The following VAX1 variants were observed in gnomAD, a reference collection of about 807,000 sequenced individuals.
VAX1 encodes the protein ventral anterior homeobox 1.
In VAX1, 6 loss-of-function variants were observed where a neutral mutation model predicts 17.6. The observed-to-expected ratio is 0.34, with a 90% CI of 0.19 to 0.67. VAX1 has a LOEUF of 0.67. VAX1 is among the 30% of genes least tolerant of loss of function. The pLI is 0.69. For missense variants in VAX1, 408 were observed against 463.7 expected (o/e 0.88, Z 1.10); for synonymous variants, 256 against 227.4 (o/e 1.13, Z -1.13).
Position 117,136,386 on chromosome 10 carries a change from C to A in VAX1, c.429+86G>T. 1 of 1,530,790 alleles carries A rather than the reference C, an allele frequency of 6.5e-7. No individual in the cohort carries two copies. The highest frequency in any genetic ancestry group is 8.9e-7 in the Non-Finnish European group (1 of 1,123,842). The allele number at this position is 1,530,790 out of a possible 1,614,324, so 94.8% of individuals were successfully genotyped here. ...CTCCCAAGGGTAGTTCTGTCCAGAG[C>A]AGGTTAGGAGGTGAAGAGCAGGCTA... On this transcript the variant is annotated intron_variant, in intron 2 of 2. Coordinates refer to ENST00000369206, the MANE Select transcript of VAX1 (RefSeq NM_001112704.2). The surrounding 1 kb of genome is among the most constrained non-coding windows in gnomAD (Gnocchi z 5.0).
In VAX1 at chr10:117,133,422, A is replaced by C. The variant is rs1390003985; in HGVS notation, c.*586T>G. ...TGGAGTTGCCCTAAAGGGGAGAAAAACCGCAGGATTTGCCCGCCAGGAAGC... is the reference window on the plus strand; with the variant it reads ...TGGAGTTGCCCTAAAGGGGAGAAAACCCGCAGGATTTGCCCGCCAGGAAGC... On this transcript the variant is annotated 3_prime_UTR_variant, in exon 3 of 3. Transcript: ENST00000369206. 8.1e-6 allele frequency: 8 copies of C among 985,162 alleles called. No individual in the cohort carries two copies. The highest frequency in any genetic ancestry group is 8.4e-6 in the Non-Finnish European group (7 of 829,992). The allele number at this position is 985,162 out of a possible 1,614,324, so 61.0% of individuals were successfully genotyped here. A position where few individuals can be genotyped will look rare whatever the true frequency, so the allele number is the denominator to read the frequency against.
In VAX1 at chr10:117,134,180, G is replaced by A. The variant is rs1203315887; in HGVS notation, c.833C>T (p.Pro278Leu). The change falls in exon 3 of 3, where the codon CCC (proline) becomes CTC (leucine). Residue 278 changes from proline to leucine, a missense_variant. Physicochemically the swap from Pro to Leu is moderately conservative, Grantham distance 98 (BLOSUM62 -3). This residue lies in a region of VAX1 where 196 missense variants were observed against 218.7 expected (regional missense o/e 0.90). Transcript: ENST00000369206. This position sits in a 1 kb window ranked among gnomAD's most constrained non-coding sequence, Gnocchi z 6.2. Reference protein sequence around the residue: ...AGHSLFSLPVPSLLGSVASRL... With the variant: ...AGHSLFSLPVLSLLGSVASRL... ...GCTGGCGACGGAGCCGAGCAGCGAG[G>A]GCACCGGCAGGCTGAAGAGGCTGTG... 3 of 1,519,292 alleles carry A rather than the reference G, an allele frequency of 2.0e-6. No individual in the cohort carries two copies. The highest frequency in any genetic ancestry group is 2.6e-6 in the Non-Finnish European group (3 of 1,134,002). 94.1% of individuals were successfully genotyped at this position (1,519,292 alleles called of 1,614,324 possible).
chr10:117,137,954 C>T lies in VAX1; in HGVS notation c.103G>A (p.Ala35Thr), dbSNP rs772737522. 38 of 1,613,806 alleles carry T rather than the reference C, an allele frequency of 2.4e-5. 1 individual carries two copies. The South Asian group carries it at 4.0e-4, about 17-fold the overall frequency. ...AAGGCGGCTGGGAGGTTCCCCTCCG[C>T]GCCCTTGCTCTCCCGACTCTCCTTG... The part of the protein sequence containing the change: ...AHKESRESKG[A>T]EGNLPAAFLK... Residue 35 changes from alanine (A) to threonine (T), a missense_variant, in exon 1 of 3, where the codon GCG (alanine) becomes ACG (threonine). This residue lies in a region of VAX1 where 133 missense variants were observed against 112.0 expected (regional missense o/e 1.19). Transcript: ENST00000369206. The surrounding 1 kb of genome is among the most constrained non-coding windows in gnomAD (Gnocchi z 7.4).
Position 117,136,468 on chromosome 10 carries a change from G to C in VAX1, c.429+4C>G, listed in dbSNP as rs1274174467. 1.9e-6 allele frequency: 3 copies of C among 1,612,742 alleles called. 1 individual carries two copies. The highest frequency in any genetic ancestry group is 2.2e-5 in the East Asian group (1 of 44,862). On this transcript the variant is annotated splice_donor_region_variant and intron_variant, in intron 2 of 2. Transcript: ENST00000369206. This position sits in a 1 kb window ranked among gnomAD's most constrained non-coding sequence, Gnocchi z 5.0. The stretch of plus-strand genomic sequence containing the variant: ...GAACTGTGTGCGGCCTGGTCGCCGG[G>C]TACCTGGGTCTCGGAGAGGTTAAGC...
At position 117,134,209 on chromosome 10, in the gene VAX1, C is replaced by T. The variant is rs886042715; in HGVS notation, c.804G>A (p.Ala268=). 1.4e-6 allele frequency: 2 copies of T among 1,472,640 alleles called. No individual in the cohort carries two copies. The highest frequency in any genetic ancestry group is 3.0e-5 in the African/African-American group (2 of 67,180). 91.2% of individuals were successfully genotyped at this position (1,472,640 alleles called of 1,614,324 possible). The change falls in exon 3 of 3, where the codon GCG becomes GCA. Residue 268 remains alanine (A), a synonymous_variant. Coordinates refer to ENST00000369206, the MANE Select transcript of VAX1 (RefSeq NM_001112704.2). This position sits in a 1 kb window ranked among gnomAD's most constrained non-coding sequence, Gnocchi z 6.2. ...CCGGCAGGCTGAAGAGGCTGTGGCC[C>T]GCGGCCGGGGCGCCTGCGTGCAATC... ...PGGLHAGAPA[A]GHSLFSLPVP...
chr10:117,128,833 T>C (rs1008568108), downstream of VAX1: 8 of 152,148 alleles, frequency 5.3e-5, no homozygotes, highest in Admixed American at 5.2e-4. Flanking sequence ...CCTGAAGGGC[T>C]CTCCTCCTCC....
chr10:117,136,778 G>A lies in VAX1; in HGVS notation c.242-119C>T. On this transcript the variant is annotated intron_variant, in intron 1 of 2. Coordinates refer to ENST00000369206, the MANE Select transcript of VAX1 (RefSeq NM_001112704.2). This position sits in a 1 kb window ranked among gnomAD's most constrained non-coding sequence, Gnocchi z 5.0. ...TGCAGTTTTGGGGATGGGGGGCGGG[G>A]TGCGGAGCGCGACCACAACCAGGTA... The A allele has an allele frequency of 7.9e-7, 1 of 1,270,246 alleles. No homozygotes were observed. The allele number at this position is 1,270,246 out of a possible 1,614,324, so 78.7% of individuals were successfully genotyped here.
At position 117,138,048 on chromosome 10, in the gene VAX1, C is replaced by G. The variant is rs1321046831; in HGVS notation, c.9G>C (p.Gly3=). Residue 3 remains glycine (G), a synonymous_variant, in exon 1 of 3, where the codon GGG becomes GGC. Coordinates refer to ENST00000369206, the MANE Select transcript of VAX1 (RefSeq NM_001112704.2). MF[G]KPDKMDVRCH... is the part of the protein sequence containing the mutation. ...ATCGAACGTCCATTTTGTCTGGTTT[C>G]CCGAACATAGGCAAGAACAACAACA... is the stretch of plus-strand genomic sequence containing the variant. The G allele has an allele frequency of 2.5e-6, 4 of 1,580,080 alleles. No individual in the cohort carries two copies. The highest frequency in any genetic ancestry group is 2.6e-6 in the Non-Finnish European group (3 of 1,165,830).
In VAX1 at chr10:117,137,870, T is replaced by C; in HGVS notation, c.187A>G (p.Ser63Gly). 6.2e-7 allele frequency: 1 copy of C among 1,613,746 alleles called. No homozygotes were observed. ...GGGTCCGCTGCGGAATTGGATTTAC[T>C]TTTGTTACAATCCTCAGCAGCGCCC... ...ASGAAEDCNK[S>G]KSNSAADPDY... Residue 63 changes from serine to glycine, a missense_variant, in exon 1 of 3, where the codon AGT becomes GGT. Ser to Gly is a moderately conservative substitution (Grantham distance 56, BLOSUM62 0). Transcript: ENST00000369206. This position sits in a 1 kb window ranked among gnomAD's most constrained non-coding sequence, Gnocchi z 7.4.
Position 117,134,250 on chromosome 10 carries a change from G to A in VAX1, c.763C>T (p.Pro255Ser), listed in dbSNP as rs1854134773. 3.6e-6 allele frequency: 5 copies of A among 1,380,674 alleles called. No homozygotes were observed. The highest frequency in any genetic ancestry group is 3.7e-6 in the Non-Finnish European group (4 of 1,077,790). 85.5% of individuals were successfully genotyped at this position (1,380,674 alleles called of 1,614,324 possible). ...PAVGGAPGPG[P>S]AGPGGLHAGA... ...GCGTGCAATCCCCCCGGCCCGGCGG[G>A]CCCGGGACCTGGAGCACCGCCCACA... Residue 255 changes from proline (P) to serine (S), a missense_variant, in exon 3 of 3, where the codon CCC becomes TCC. Pro to Ser is a moderately conservative substitution (Grantham distance 74, BLOSUM62 -1). Coordinates refer to ENST00000369206, the MANE Select transcript of VAX1 (RefSeq NM_001112704.2). The surrounding 1 kb of genome is among the most constrained non-coding windows in gnomAD (Gnocchi z 6.2).
Position 117,134,430 on chromosome 10 carries a change from C to T in VAX1, c.583G>A (p.Ala195Thr). 2.0e-6 allele frequency: 3 copies of T among 1,505,804 alleles called. 1 individual carries two copies. The Admixed American group carries it at 6.2e-5, about 31-fold the overall frequency. The allele number at this position is 1,505,804 out of a possible 1,614,324, so 93.3% of individuals were successfully genotyped here. Residue 195 changes from alanine (A) to threonine (T), a missense_variant, in exon 3 of 3, where the codon GCG becomes ACG. By Grantham distance (58) the Ala-to-Thr change is moderately conservative (BLOSUM62 0). Around this residue, in one of 4 missense-constraint regions of VAX1, gnomAD observed 196 missense variants for 218.7 expected, o/e 0.90. Transcript: ENST00000369206. The surrounding 1 kb of genome is among the most constrained non-coding windows in gnomAD (Gnocchi z 6.2). ...CCCGTGGCGCAAGGCGGCAGCAGCG[C>T]AGGCAGGCCGGGCGGCGACAACAGG... ...GRLLSPPGLPALLPPCATGAL... is the reference protein window; with the variant it reads ...GRLLSPPGLPTLLPPCATGAL...
At chr10:117,132,318 A>T (rs1274175576), downstream of VAX1, 1 of 1,613,672 alleles carries the variant, frequency 6.2e-7, no homozygotes. This position sits in a 1 kb window ranked among gnomAD's most constrained non-coding sequence, Gnocchi z 4.9. Context: ...AATATAAGAC[A>T]AAAATACACC....
rs1854225663 is a variant in VAX1, at chr10:117,138,177, G to C, written c.-121C>G. On this transcript the variant is annotated 5_prime_UTR_variant, in exon 1 of 3. Coordinates refer to ENST00000369206, the MANE Select transcript of VAX1 (RefSeq NM_001112704.2). The stretch of plus-strand genomic sequence containing the variant: ...GACAAAACCCCCGACAACGCGGCCC[G>C]TACGCCCGGCCCGGCGACAGGCAAG... 4 of 1,134,252 alleles carry C rather than the reference G, an allele frequency of 3.5e-6. No homozygotes were observed. Among genetic ancestry groups the C allele is most frequent in the Non-Finnish European group, 4.8e-6 (4 of 824,906 alleles). The allele number at this position is 1,134,252 out of a possible 1,614,324, so 70.3% of individuals were successfully genotyped here. A position where few individuals can be genotyped will look rare whatever the true frequency, so the allele number is the denominator to read the frequency against.
chr10:117,137,977 T>A lies in VAX1; in HGVS notation c.80A>T (p.Lys27Met). ...CGCGCCCTTGCTCTCCCGACTCTCC[T>A]TGTGCGCGTTCTTCGAGACCCGGGC... The part of the protein sequence containing the change: ...EAARVSKNAH[K>M]ESRESKGAEG... Residue 27 changes from lysine to methionine, a missense_variant, in exon 1 of 3, where the codon AAG becomes ATG. Around this residue, in one of 4 missense-constraint regions of VAX1, gnomAD observed 133 missense variants for 112.0 expected, o/e 1.19. Transcript: ENST00000369206. The surrounding 1 kb of genome is among the most constrained non-coding windows in gnomAD (Gnocchi z 7.4). 6.2e-7 allele frequency: 1 copy of A among 1,613,744 alleles called. No individual in the cohort carries two copies.
At position 117,133,434 on chromosome 10, in the gene VAX1, G is replaced by A; in HGVS notation, c.*574C>T. Reference sequence around the variant, plus strand: ...AAAGGGGAGAAAAACCGCAGGATTTGCCCGCCAGGAAGCTGTGTTGTGTAC... The same window carrying A: ...AAAGGGGAGAAAAACCGCAGGATTTACCCGCCAGGAAGCTGTGTTGTGTAC... On this transcript the variant is annotated 3_prime_UTR_variant, in exon 3 of 3. Coordinates refer to ENST00000369206, the MANE Select transcript of VAX1 (RefSeq NM_001112704.2). 1.0e-6 allele frequency: 1 copy of A among 985,496 alleles called. No homozygotes were observed. Among genetic ancestry groups the A allele is most frequent in the Non-Finnish European group, 1.2e-6 (1 of 830,020 alleles). 61.0% of individuals were successfully genotyped at this position (985,496 alleles called of 1,614,324 possible). A position where few individuals can be genotyped will look rare whatever the true frequency, so the allele number is the denominator to read the frequency against.
At chr10:117,132,218 C>T, downstream of VAX1, 1 of 1,613,856 alleles carries the variant, frequency 6.2e-7, no homozygotes, top group East Asian at 2.2e-5. This position sits in a 1 kb window ranked among gnomAD's most constrained non-coding sequence, Gnocchi z 4.9. Flanking sequence ...ACTATAGGGG[C>T]TGCCACCCTC....
In VAX1 at chr10:117,133,643, A is replaced by AGCCG; in HGVS notation, c.*361_*364dup. ...AGTCGGCAGCGGCAGCAGCCGCAGC[A>AGCCG]GCCGCGGATCTAGAGCAAACGTCCT... On this transcript the variant is annotated 3_prime_UTR_variant, in exon 3 of 3. Transcript: ENST00000369206. 1.0e-6 allele frequency: 1 copy of AGCCG among 1,000,880 alleles called. No individual in the cohort carries two copies. Among genetic ancestry groups the AGCCG allele is most frequent in the Non-Finnish European group, 1.2e-6 (1 of 840,550 alleles). The allele number at this position is 1,000,880 out of a possible 1,614,324, so 62.0% of individuals were successfully genotyped here.
Position 117,137,685 on chromosome 10 carries a change from G to A in VAX1, c.241+131C>T. 3.2e-6 allele frequency: 5 copies of A among 1,562,118 alleles called. No individual in the cohort carries two copies. Among genetic ancestry groups the A allele is most frequent in the East Asian group, 2.3e-5 (1 of 43,302 alleles). ...CTTGTCCCCAGCCGGACTCGGGGCG[G>A]GGAGGGCCAACAACTTTCTCCCAAG... On this transcript the variant is annotated intron_variant, in intron 1 of 2. Coordinates refer to ENST00000369206, the MANE Select transcript of VAX1 (RefSeq NM_001112704.2). This position sits in a 1 kb window ranked among gnomAD's most constrained non-coding sequence, Gnocchi z 7.4.
intron 2 of VAX1, among the ~76,000 whole-genome samples, chr10:117,135,004 G>T (rs1221577906): frequency 1.3e-5 from 2 of 152,208 alleles, no homozygotes; most frequent in Admixed American, 1.3e-4. Context: ...CTAGGGTGCG[G>T]GTGCGGTGAA....
Sources: allele counts gnomAD v4.1 joint callset (sites outside exome capture counted in the v4.1 genomes callset), GRCh38; gene constraint gnomAD v4.1.1; regional missense constraint gnomAD v4.1.1; non-coding constraint Gnocchi (gnomAD v3.1); transcripts MANE v1.5; gene names NCBI Gene and HGNC (gene_info 2026-07-23, HGNC 2026-07-21).